The following MAPKAP1 variants were observed in gnomAD, a reference collection of about 807,000 sequenced individuals.
MAPKAP1 encodes the protein MAPK associated protein 1.
A neutral mutation model predicts 65.7 loss-of-function variants in MAPKAP1; 20 were observed. That is an observed-to-expected ratio of 0.30 (90% confidence interval 0.21 to 0.44). The LOEUF is 0.44. MAPKAP1 is among the 20% of genes least tolerant of loss of function. MAPKAP1 has a pLI of 1.00. For synonymous variants in MAPKAP1, 222 were observed against 244.3 expected, an observed-to-expected ratio of 0.91 and a Z score of 0.85; for missense variants, 423 against 648.0, an observed-to-expected ratio of 0.65 and a Z score of 3.77.
At chr9:125,670,151 TG>T (rs1194881755) in intron 2 of MAPKAP1, among the ~76,000 whole-genome samples, 2 of 152,138 alleles carry the variant, frequency 1.3e-5, no homozygotes, top group African/African-American at 4.8e-5. Context: ...AGTATTAACA[TG>T]GAAGAGAATA....
intron 5 of MAPKAP1, among the ~76,000 whole-genome samples, chr9:125,576,850 G>A (rs951777220): frequency 1.6e-4 from 24 of 151,974 alleles, no homozygotes; most frequent in Non-Finnish European, 3.1e-4. Context: ...GAGTGCAGTG[G>A]CGTGATCTCG....
rs117515961 is a variant in MAPKAP1 at position 125,516,652 on chromosome 9, T to C, written c.959-10235A>G. Among the ~76,000 whole-genome samples, 1,358 of 152,324 alleles carry C rather than the reference T, an allele frequency of 8.9e-3. 11 individuals carry two copies. Among genetic ancestry groups the C allele is most frequent in the Middle Eastern group, 0.044 (13 of 294 alleles). On this transcript the variant is annotated intron_variant, in intron 7 of 11. Transcript: ENST00000265960. Reference sequence around the variant, plus strand: ...AATCTCTATTGCTGCTGTGAGCATCTAATCCTAGAAGGCAGATGTGTGGCA... The same window carrying C: ...AATCTCTATTGCTGCTGTGAGCATCCAATCCTAGAAGGCAGATGTGTGGCA...
chr9:125,618,725 CAACA>C lies in MAPKAP1; in HGVS notation c.499-33002_499-32999del, dbSNP rs565684889. Among the ~76,000 whole-genome samples, 278 of 152,096 alleles carry C rather than the reference CAACA, an allele frequency of 1.8e-3. 1 individual carries two copies. Among genetic ancestry groups the C allele is most frequent in the African/African-American group, 6.4e-3 (265 of 41,522 alleles). On this transcript the variant is annotated intron_variant, in intron 4 of 11. Coordinates refer to ENST00000265960, the MANE Select transcript of MAPKAP1 (RefSeq NM_001006617.3). ...ATGTTTTTCAATTATGATAAAACAACAACAAACAAACAGCTATTTAATATAGATT... is the reference window on the plus strand; with the variant it reads ...ATGTTTTTCAATTATGATAAAACAACAACAAACAGCTATTTAATATAGATT...
At chr9:125,444,894 G>T (rs978087640) in intron 10 of MAPKAP1, among the ~76,000 whole-genome samples, 1 of 152,146 alleles carries the variant, frequency 6.6e-6, no homozygotes, top group Admixed American at 6.5e-5. Flanking sequence ...ACATGCAAAA[G>T]GTGGCGTTTT....
intron 3 of MAPKAP1, among the ~76,000 whole-genome samples, chr9:125,665,482 C>T (rs999224608): frequency 2.1e-4 from 16 of 76,526 alleles, no homozygotes; most frequent in African/African-American, 5.2e-4. Flanking sequence ...GTGAGAACCA[C>T]CCCCTGACCC....
In MAPKAP1 at chr9:125,488,292, G is replaced by A. The variant is rs138560105; in HGVS notation, c.1067-3709C>T. Among the ~76,000 whole-genome samples, 630 of 152,286 alleles carry A rather than the reference G, an allele frequency of 4.1e-3. 3 individuals carry two copies. The highest frequency in any genetic ancestry group is 7.3e-3 in the Non-Finnish European group (495 of 68,024). ...AGTCCTGTACTCGCCTCCAATTCAC[G>A]CTGCTCACTCCAAAGCAGGTTATCT... On this transcript the variant is annotated intron_variant, in intron 8 of 11. Coordinates refer to ENST00000265960, the MANE Select transcript of MAPKAP1 (RefSeq NM_001006617.3).
At chr9:125,660,106 T>G (rs1350236674) in intron 3 of MAPKAP1, among the ~76,000 whole-genome samples, 1 of 152,152 alleles carries the variant, frequency 6.6e-6, no homozygotes, top group Non-Finnish European at 1.5e-5. Flanking sequence ...TCATCTCATT[T>G]CTCCCTTGAA....
chr9:125,662,371 G>T (rs1564606976), intron 3 of MAPKAP1, among the ~76,000 whole-genome samples: 1 of 152,202 alleles, frequency 6.6e-6, no homozygotes, highest in Admixed American at 6.5e-5. Flanking sequence ...GAGAGTGCAA[G>T]ACCCTGTTTC....
At position 125,571,660 on chromosome 9, in the gene MAPKAP1, G is replaced by A. The variant is rs968976629; in HGVS notation, c.672-11851C>T. 4.8e-4 allele frequency among the ~76,000 whole-genome samples: 73 copies of A among 151,336 alleles called. 1 individual carries two copies. The highest frequency in any genetic ancestry group is 1.7e-3 in the African/African-American group (69 of 41,242). On this transcript the variant is annotated intron_variant, in intron 5 of 11. Transcript: ENST00000265960. ...TCACCTGAGGTCAGGAGTTTGAGAC[G>A]AGCATGGCCAACGCATGGTGAAACC... is the stretch of plus-strand genomic sequence containing the variant.
chr9:125,665,363 T>C (rs945434432), intron 3 of MAPKAP1, among the ~76,000 whole-genome samples: 5 of 152,082 alleles, frequency 3.3e-5, no homozygotes, highest in African/African-American at 9.7e-5. Context: ...TAACATACTA[T>C]ATACCCTGAG....
chr9:125,559,803 A>G lies in MAPKAP1; in HGVS notation c.678T>C (p.Asn226=). The G allele has an allele frequency of 6.2e-7, 1 of 1,609,492 alleles. No homozygotes were observed. The change falls in exon 6 of 12, where the codon AAT becomes AAC. Residue 226 remains asparagine, a synonymous_variant. Coordinates refer to ENST00000265960, the MANE Select transcript of MAPKAP1 (RefSeq NM_001006617.3). ...CAATATGCAGGCAGTAGGCACTGAC[A>G]TTGTCACTGAAAGGAAAACCAAAAA... ...SEGREPKLND[N]VSAYCLHIAE...
intron 8 of MAPKAP1, among the ~76,000 whole-genome samples, chr9:125,497,375 C>T (rs1164720944): frequency 6.6e-6 from 1 of 152,248 alleles, no homozygotes; most frequent in African/African-American, 2.4e-5. Flanking sequence ...TCTCTCTCTA[C>T]ACCACCTTCT....
In MAPKAP1 at chr9:125,439,950, T is replaced by G. The variant is rs781728341; in HGVS notation, c.1444-938A>C. Among the ~76,000 whole-genome samples, 8 of 152,144 alleles carry G rather than the reference T, an allele frequency of 5.3e-5. No individual in the cohort carries two copies. Among genetic ancestry groups the G allele is most frequent in the Non-Finnish European group, 8.8e-5 (6 of 68,026 alleles). On this transcript the variant is annotated intron_variant, in intron 11 of 11. Transcript: ENST00000265960. This position sits in a 1 kb window ranked among gnomAD's most constrained non-coding sequence, Gnocchi z 4.0. ...CAGAGGAAAAGAGTGAGCGGGCTTT[T>G]GAGGGATACACAGGAGTTTTTGAGT...
chr9:125,582,490 G>T (rs983054055), intron 5 of MAPKAP1, among the ~76,000 whole-genome samples: 4 of 152,132 alleles, frequency 2.6e-5, no homozygotes, highest in African/African-American at 9.7e-5. Context: ...TGCTTTTACA[G>T]ATATTGCCAC....
At chr9:125,635,996 G>A (rs1456701236) in intron 4 of MAPKAP1, among the ~76,000 whole-genome samples, 1 of 152,218 alleles carries the variant, frequency 6.6e-6, no homozygotes, top group Admixed American at 6.5e-5. Flanking sequence ...TTCAACCTGG[G>A]ACATGTATGA....
At chr9:125,554,144 T>C (rs1255622735) in intron 6 of MAPKAP1, among the ~76,000 whole-genome samples, 1 of 152,164 alleles carries the variant, frequency 6.6e-6, no homozygotes, top group Admixed American at 6.5e-5. Flanking sequence ...AAAAGTCAAA[T>C]GGCATTACTG....
At chr9:125,588,905 T>G (rs757377277) in intron 4 of MAPKAP1, among the ~76,000 whole-genome samples, 1 of 152,234 alleles carries the variant, frequency 6.6e-6, no homozygotes, top group Non-Finnish European at 1.5e-5. Context: ...ACTTCGGCTA[T>G]ACCGGCCTTC....
chr9:125,628,866 T>TCAACAA (rs71374283), intron 4 of MAPKAP1, among the ~76,000 whole-genome samples: 2 of 151,360 alleles, frequency 1.3e-5, no homozygotes, highest in East Asian at 1.9e-4. Context: ...ACTCTACAAC[T>TCAACAA]CAACAACAAC....
At chr9:125,601,611 C>T (rs1363256716) in intron 4 of MAPKAP1, among the ~76,000 whole-genome samples, 2 of 152,152 alleles carry the variant, frequency 1.3e-5, no homozygotes, top group African/African-American at 4.8e-5. Flanking sequence ...AATTAGATGG[C>T]CTTGGCATAA....
Sources: allele counts gnomAD v4.1 joint callset (sites outside exome capture counted in the v4.1 genomes callset), GRCh38; gene constraint gnomAD v4.1.1; non-coding constraint Gnocchi (gnomAD v3.1); transcripts MANE v1.5; gene names NCBI Gene and HGNC (gene_info 2026-07-23, HGNC 2026-07-21).